Variants in KCNE1 observed in about 807,000 individuals in gnomAD.
KCNE1 encodes the protein potassium voltage-gated channel subfamily E member 1.
In KCNE1, 1 loss-of-function variant was observed where a neutral mutation model predicts 2.9. The observed-to-expected ratio is 0.34, with a 90% confidence interval of 0.12 to 1.62. The LOEUF (loss-of-function observed/expected upper bound fraction) is 1.62. KCNE1 is among the 40% of genes most tolerant of loss of function. The pLI, the probability that KCNE1 is intolerant of heterozygous loss-of-function variation, is 0.36. For synonymous variants in KCNE1, 23 were observed against 65.4 expected, an observed-to-expected ratio of 0.35 and a Z score of 3.13; for missense variants, 45 against 150.5, an observed-to-expected ratio of 0.30 and a Z score of 3.67.
chr21:34,449,950 T>C (rs1981117913), intron 3 of KCNE1, among the ~76,000 whole-genome samples: 1 of 85,594 alleles, frequency 1.2e-5, no homozygotes, highest in African/African-American at 4.1e-5. Flanking sequence ...TATGCATTGC[T>C]GCATATTGTG....
chr21:34,500,616 T>A (rs969946514), intron 2 of KCNE1, among the ~76,000 whole-genome samples: 18 of 152,376 alleles, frequency 1.2e-4, no homozygotes, highest in African/African-American at 3.6e-4. Flanking sequence ...TACCCACTTG[T>A]ATGGTTAATC....
intron 2 of KCNE1, among the ~76,000 whole-genome samples, chr21:34,508,091 A>G (rs547190130): frequency 6.6e-6 from 1 of 151,816 alleles, no homozygotes; most frequent in South Asian, 2.1e-4. Context: ...CAGTGGTGCA[A>G]TCTCAGCTCA....
At chr21:34,505,847 T>A (rs1601103781) in intron 2 of KCNE1, among the ~76,000 whole-genome samples, 1 of 152,226 alleles carries the variant, frequency 6.6e-6, no homozygotes, top group African/African-American at 2.4e-5. Context: ...AAAGAAGACC[T>A]GGCGTGGGCC....
rs189845908 is a variant in KCNE1 at position 34,449,962 on chromosome 21, C to T, written c.-50-278G>A. On this transcript the variant is annotated intron_variant, in intron 3 of 3. Coordinates refer to ENST00000399286, the MANE Select transcript of KCNE1 (RefSeq NM_000219.6). ...TAATATGCATTGCTGCATATTGTGG[C>T]GTATGGGGTTGCATGTGTGCATTTT... is the stretch of plus-strand genomic sequence containing the variant. Among the ~76,000 whole-genome samples, 4 of 86,462 alleles carry T rather than the reference C, an allele frequency of 4.6e-5. 1 individual carries two copies. Among genetic ancestry groups the T allele is most frequent in the Non-Finnish European group, 1.1e-4 (4 of 37,622 alleles). The allele number at this position is 86,462 out of a possible 152,430, so 56.7% of individuals were successfully genotyped here. A position where few individuals can be genotyped will look rare whatever the true frequency, so the allele number is the denominator to read the frequency against.
At chr21:34,497,352 A>C (rs574120717) in intron 2 of KCNE1, among the ~76,000 whole-genome samples, 2 of 152,300 alleles carry the variant, frequency 1.3e-5, no homozygotes, top group Admixed American at 1.3e-4. Flanking sequence ...AACTCCTTTT[A>C]GCATTTCTTG....
chr21:34,505,386 C>T (rs62211550), intron 2 of KCNE1, among the ~76,000 whole-genome samples: 21,664 of 151,944 alleles, frequency 0.14, 1,794 homozygotes, highest in Non-Finnish European at 0.19. Flanking sequence ...CCACTTGCCT[C>T]GGCCTCCCAA....
chr21:34,511,041 G>A (rs1490466337), intron 2 of KCNE1, 60 bp downstream of exon 2: 1 of 594,530 alleles, frequency 1.7e-6, no homozygotes, highest in East Asian at 1.4e-4. Flanking sequence ...GGGTGGGCAT[G>A]AGGGTGGGAG....
At chr21:34,500,714 C>T (rs1983113599) in intron 2 of KCNE1, among the ~76,000 whole-genome samples, 1 of 151,976 alleles carries the variant, frequency 6.6e-6, no homozygotes, top group African/African-American at 2.4e-5. Flanking sequence ...TCTTATTTTT[C>T]AAAAAATAAC....
chr21:34,449,293 G>C lies in KCNE1; in HGVS notation c.342C>G (p.Ala114=). The C allele has an allele frequency of 7.7e-7, 1 of 1,295,592 alleles. No homozygotes were observed. The allele number at this position is 1,295,592 out of a possible 1,614,324, so 80.3% of individuals were successfully genotyped here. ...GAAGGTGTGTGTTGGGTTGTTCTAT[G>C]GCCAGATGGTTTTCAACGACATAGC... is the stretch of plus-strand genomic sequence containing the variant. ...RSCYVVENHL[A]IEQPNTHLPE... is the part of the protein sequence containing the mutation. The change falls in exon 4 of 4, where the codon GCC becomes GCG. Residue 114 remains alanine, a synonymous_variant. Transcript: ENST00000399286.
At chr21:34,502,217 G>A (rs1047815524) in intron 2 of KCNE1, among the ~76,000 whole-genome samples, 2 of 152,170 alleles carry the variant, frequency 1.3e-5, no homozygotes, top group Non-Finnish European at 2.9e-5. Flanking sequence ...TAGAAGGGTA[G>A]TCTACTCCTT....
chr21:34,500,706 T>G (rs978419733), intron 2 of KCNE1, among the ~76,000 whole-genome samples: 2 of 152,250 alleles, frequency 1.3e-5, no homozygotes, highest in African/African-American at 4.8e-5. Context: ...ATATATAATC[T>G]TATTTTTCAA....
intron 2 of KCNE1, among the ~76,000 whole-genome samples, chr21:34,506,664 A>G (rs1334504900): frequency 1.3e-5 from 2 of 152,256 alleles, no homozygotes; most frequent in Non-Finnish European, 2.9e-5. Flanking sequence ...TTATTGAGTG[A>G]CTATTTCATT....
chr21:34,501,367 T>C (rs1983158094), intron 2 of KCNE1, among the ~76,000 whole-genome samples: 1 of 152,210 alleles, frequency 6.6e-6, no homozygotes, highest in South Asian at 2.1e-4. Context: ...AGGCAACTCT[T>C]CTAGTAGAAC....
At chr21:34,498,965 T>G (rs991131109) in intron 2 of KCNE1, among the ~76,000 whole-genome samples, 30 of 152,224 alleles carry the variant, frequency 2.0e-4, no homozygotes, top group African/African-American at 7.2e-4. Flanking sequence ...TCCCCAAAAT[T>G]TATGTCTTTT....
chr21:34,449,999 A>G lies in KCNE1; in HGVS notation c.-50-315T>C, dbSNP rs546704796. Among the ~76,000 whole-genome samples, 46 of 90,596 alleles carry G rather than the reference A, an allele frequency of 5.1e-4. 9 individuals carry two copies. The South Asian group carries it at 0.016, about 31-fold the overall frequency. The allele number at this position is 90,596 out of a possible 152,430, so 59.4% of individuals were successfully genotyped here. ...CATGTGTGCATTTTGGTTTACCTAA[A>G]TGGTATCAGGTCATCCAACTCATTC... On this transcript the variant is annotated intron_variant, in intron 3 of 3. Transcript: ENST00000399286.
chr21:34,507,307 G>A (rs961028120), intron 2 of KCNE1, among the ~76,000 whole-genome samples: 1 of 152,180 alleles, frequency 6.6e-6, no homozygotes, highest in African/African-American at 2.4e-5. Context: ...CAGGGAGACA[G>A]GAGACACCTT....
intron 2 of KCNE1, among the ~76,000 whole-genome samples, chr21:34,504,539 A>G (rs1049841688): frequency 2.0e-5 from 3 of 152,154 alleles, no homozygotes; most frequent in Non-Finnish European, 4.4e-5. Flanking sequence ...CTATCACAGG[A>G]CTCAGCAATT....
chr21:34,496,364 C>T (rs1982808293), intron 2 of KCNE1, among the ~76,000 whole-genome samples: 1 of 152,184 alleles, frequency 6.6e-6, no homozygotes, highest in African/African-American at 2.4e-5. Flanking sequence ...TGAGCCACCA[C>T]ACCTGACCCA....
At chr21:34,501,715 A>G (rs1983179396) in intron 2 of KCNE1, among the ~76,000 whole-genome samples, 1 of 152,212 alleles carries the variant, frequency 6.6e-6, no homozygotes, top group Non-Finnish European at 1.5e-5. Context: ...ACAAAGCTCT[A>G]AGTACATGGG....
Sources: allele counts gnomAD v4.1 joint callset (sites outside exome capture counted in the v4.1 genomes callset), GRCh38; gene constraint gnomAD v4.1.1; transcripts MANE v1.5; gene names NCBI Gene and HGNC (gene_info 2026-07-23, HGNC 2026-07-21).